Variants in ADK observed in about 807,000 individuals in gnomAD.
The protein encoded by ADK is N6,N6-dimethyladenosine kinase.
Under a neutral mutation model 44.7 loss-of-function variants are expected in ADK, and 24 were observed. That is an observed-to-expected ratio of 0.54 (90% CI 0.39 to 0.76). The LOEUF is 0.76. ADK is among the 30% of genes least tolerant of loss of function. ADK has a pLI of 0.00. For synonymous variants in ADK, 128 were observed against 142.6 expected (o/e 0.90, Z 0.73); for missense variants, 321 against 425.1 (o/e 0.76, Z 2.15).
intron 9 of ADK, among the ~76,000 whole-genome samples, chr10:74,665,779 G>GAGACAGAC (rs1199184426): frequency 4.3e-5 from 6 of 138,926 alleles, no homozygotes; most frequent in African/African-American, 1.7e-4. Context: ...GAGAGAGAGA[G>GAGACAGAC]AGACAGACAG....
At chr10:74,521,300 A>G (rs1027331910) in intron 6 of ADK, among the ~76,000 whole-genome samples, 2 of 148,682 alleles carry the variant, frequency 1.3e-5, no homozygotes, top group East Asian at 1.9e-4. Context: ...CAAGTTTTGT[A>G]TATTTATAAA....
chr10:74,250,336 C>G (rs1845602203), intron 3 of ADK, among the ~76,000 whole-genome samples: 1 of 152,190 alleles, frequency 6.6e-6, no homozygotes, highest in African/African-American at 2.4e-5. Context: ...GGAGAAGTTA[C>G]TCCTATTCCC....
chr10:74,656,159 C>T (rs887119063), intron 9 of ADK: 5 of 289,294 alleles, frequency 1.7e-5, no homozygotes, highest in Admixed American at 1.1e-4. Flanking sequence ...AGGAGGATGG[C>T]GGCTGCTGTC....
At chr10:74,302,101 G>GTTTTTTTTTTTTTT (rs1564642239) in intron 3 of ADK, among the ~76,000 whole-genome samples, 2 of 11,690 alleles carry the variant, frequency 1.7e-4, no homozygotes, top group African/African-American at 5.7e-4. Context: ...TTTTTTTTTT[G>GTTTTTTTTTTTTTT]TTTGTTTGTT....
chr10:74,509,744 A>T (rs926499112), intron 6 of ADK, among the ~76,000 whole-genome samples: 1 of 151,758 alleles, frequency 6.6e-6, no homozygotes. Flanking sequence ...CTTTCCCCCT[A>T]CTTTCCCAGC....
chr10:74,485,098 G>A (rs1169302542), intron 6 of ADK, among the ~76,000 whole-genome samples: 2 of 151,948 alleles, frequency 1.3e-5, no homozygotes, highest in Admixed American at 1.3e-4. Context: ...TAAAAGGCAA[G>A]CCACTGAGTA....
At chr10:74,555,230 C>T (rs1373071060) in intron 7 of ADK, among the ~76,000 whole-genome samples, 1 of 152,170 alleles carries the variant, frequency 6.6e-6, no homozygotes, top group African/African-American at 2.4e-5. Flanking sequence ...ACTGTGCTCC[C>T]ACTTGAGCAA....
At chr10:74,578,173 G>A (rs1409444369) in intron 7 of ADK, among the ~76,000 whole-genome samples, 6 of 152,210 alleles carry the variant, frequency 3.9e-5, no homozygotes, top group Admixed American at 3.9e-4. Context: ...CACTTAACAA[G>A]GGTGCTGATC....
intron 3 of ADK, among the ~76,000 whole-genome samples, chr10:74,239,715 CAAAA>C (rs61022417): frequency 8.2e-5 from 7 of 85,038 alleles, no homozygotes; most frequent in African/African-American, 1.9e-4. Context: ...GACCTTGTCT[CAAAA>C]AAAAAAAAAA....
intron 1 of ADK, among the ~76,000 whole-genome samples, chr10:74,159,764 T>G (rs1193081752): frequency 6.6e-6 from 1 of 152,142 alleles, no homozygotes; most frequent in Non-Finnish European, 1.5e-5. Flanking sequence ...AGCTACTTTT[T>G]GTATTTTTAG....
chr10:74,596,893 C>G (rs866852407), intron 8 of ADK, among the ~76,000 whole-genome samples: 2 of 152,246 alleles, frequency 1.3e-5, no homozygotes, highest in Middle Eastern at 3.4e-3. Context: ...GTTTCTTCAT[C>G]TATAAAATAG....
intron 4 of ADK, among the ~76,000 whole-genome samples, chr10:74,365,803 A>T (rs879765056): frequency 2.0e-5 from 3 of 152,194 alleles, no homozygotes; most frequent in Non-Finnish European, 4.4e-5. Flanking sequence ...TACAACATCT[A>T]CAATAAGATA....
chr10:74,508,947 C>A (rs1335279319), intron 6 of ADK, among the ~76,000 whole-genome samples: 2 of 151,916 alleles, frequency 1.3e-5, no homozygotes, highest in Non-Finnish European at 2.9e-5. Context: ...TTATAAGAAA[C>A]ACACATTTTT....
In ADK at chr10:74,394,171, A is replaced by G; in HGVS notation, c.304A>G (p.Thr102Ala). The G allele has an allele frequency of 6.2e-7, 1 of 1,614,042 alleles. No homozygotes were observed. Among genetic ancestry groups the G allele is most frequent in the Non-Finnish European group, 8.5e-7 (1 of 1,179,954 alleles). The change falls in exon 5 of 11, where the codon ACA (threonine) becomes GCA (alanine). Residue 102 changes from threonine to alanine, a missense_variant. Physicochemically the swap from Thr to Ala is moderately conservative, Grantham distance 58. Transcript: ENST00000539909. The part of the protein sequence containing the change: ...WMIQQPHKAA[T>A]FFGCIGIDKF... ...GATTCAACAGCCACACAAAGCAGCA[A>G]CATTTTTTGGATGCATTGGGATAGA...
chr10:74,227,098 A>T (rs1397036421), intron 3 of ADK, among the ~76,000 whole-genome samples: 3 of 152,240 alleles, frequency 2.0e-5, no homozygotes, highest in Non-Finnish European at 4.4e-5. Context: ...CATGGAAGTC[A>T]GAGTCTGCTA....
At chr10:74,557,582 A>G (rs765734664) in intron 7 of ADK, among the ~76,000 whole-genome samples, 22 of 152,156 alleles carry the variant, frequency 1.4e-4, no homozygotes, top group Non-Finnish European at 3.2e-4. Context: ...GACATATTTT[A>G]TTGTAAAAAG....
chr10:74,391,546 A>C (rs1246314118), intron 4 of ADK, among the ~76,000 whole-genome samples: 1 of 151,870 alleles, frequency 6.6e-6, no homozygotes, highest in Non-Finnish European at 1.5e-5. Context: ...TATCTATACT[A>C]AAAGAATATA....
intron 4 of ADK, among the ~76,000 whole-genome samples, chr10:74,355,003 G>A (rs1439454367): frequency 6.6e-6 from 1 of 152,174 alleles, no homozygotes; most frequent in Non-Finnish European, 1.5e-5. Context: ...CCATACATTT[G>A]TCTGTACTGG....
chr10:74,221,937 T>A (rs1417722174), intron 2 of ADK, among the ~76,000 whole-genome samples: 1 of 152,198 alleles, frequency 6.6e-6, no homozygotes, highest in African/African-American at 2.4e-5. Context: ...AACCTAGGCA[T>A]TACTATTCAG....
Sources: allele counts gnomAD v4.1 joint callset (sites outside exome capture counted in the v4.1 genomes callset), GRCh38; gene constraint gnomAD v4.1.1; transcripts MANE v1.5; gene names NCBI Gene and HGNC (gene_info 2026-07-23, HGNC 2026-07-21).